The following BANP variants were observed in gnomAD, a reference collection of about 807,000 sequenced individuals.
BANP encodes protein BANP.
In BANP, 11 loss-of-function variants were observed where a neutral mutation model predicts 68.1. The observed-to-expected ratio is 0.16, with a 90% CI of 0.10 to 0.27. The LOEUF is 0.27. BANP is among the 10% of genes least tolerant of loss of function. BANP has a pLI of 1.00. For synonymous variants in BANP, 329 were observed against 303.2 expected, an observed-to-expected ratio of 1.09 and a Z score of -0.88; for missense variants, 504 against 722.7, an observed-to-expected ratio of 0.70 and a Z score of 3.47.
At chr16:88,007,683 C>T (rs777925416) in intron 6 of BANP, among the ~76,000 whole-genome samples, 1 of 152,178 alleles carries the variant, frequency 6.6e-6, no homozygotes, top group Non-Finnish European at 1.5e-5. Flanking sequence ...CCTAGCAACT[C>T]GATGTTGCTT....
Position 87,957,116 on chromosome 16 carries a change from A to C in BANP, c.-69+5601A>C, listed in dbSNP as rs566645527. 3 of 152,200 alleles carry C rather than the reference A, an allele frequency of 2.0e-5. No homozygotes were observed. Among genetic ancestry groups the C allele is most frequent in the African/African-American group, 7.2e-5 (3 of 41,434 alleles). The allele number at this position is 152,200 out of a possible 1,614,324, so 9.4% of individuals were successfully genotyped here. On this transcript the variant is annotated intron_variant, in intron 1 of 13. Coordinates refer to ENST00000682872, the MANE Select transcript of BANP (RefSeq NM_001386991.1). This position sits in a 1 kb window ranked among gnomAD's most constrained non-coding sequence, Gnocchi z 4.3. ...TCTACACTTCGTCAAGAACCGTCCA[A>C]TTTGATTAAACATTCTGGATCGTCA...
intron 1 of BANP, chr16:87,963,372 T>C (rs2059519474): frequency 6.6e-6 from 1 of 152,294 alleles, no homozygotes; most frequent in Non-Finnish European, 1.5e-5. Context: ...TCAGTTCATA[T>C]TTTTGCCATC....
intron 8 of BANP, among the ~76,000 whole-genome samples, chr16:88,027,943 G>C (rs1482635871): frequency 6.6e-6 from 1 of 152,258 alleles, no homozygotes; most frequent in Admixed American, 6.5e-5. Flanking sequence ...AGGCCTTTGC[G>C]TGGGGCTGCC....
rs1718006315 is a variant in BANP, at chr16:87,957,699, G to A, written c.-69+6184G>A. On this transcript the variant is annotated intron_variant, in intron 1 of 13. Coordinates refer to ENST00000682872, the MANE Select transcript of BANP (RefSeq NM_001386991.1). The surrounding 1 kb of genome is among the most constrained non-coding windows in gnomAD (Gnocchi z 4.3). ...AGTAGAAACGCGTTTGGATGGAGCC[G>A]GGAGGGAGAACTGGGTGCGCGCTTG... is the stretch of plus-strand genomic sequence containing the variant. Among the ~76,000 whole-genome samples, 1 of 152,384 alleles carries A rather than the reference G, an allele frequency of 6.6e-6. No individual in the cohort carries two copies. The highest frequency in any genetic ancestry group is 2.1e-4 in the South Asian group (1 of 4,826).
At chr16:88,039,054 C>T (rs1253963083) in intron 11 of BANP, among the ~76,000 whole-genome samples, 1 of 152,234 alleles carries the variant, frequency 6.6e-6, no homozygotes, top group Admixed American at 6.5e-5. Context: ...CAGAGCGGGA[C>T]AGAAGGGCAT....
intron 11 of BANP, among the ~76,000 whole-genome samples, chr16:88,043,015 A>T (rs536235781): frequency 2.6e-5 from 4 of 152,246 alleles, no homozygotes; most frequent in Non-Finnish European, 5.9e-5. Context: ...GTTGTGTATT[A>T]TCTTTCCTCC....
chr16:88,037,900 G>C (rs978634500), intron 10 of BANP, 73 bp from the exon 11 acceptor site: 112 of 1,461,760 alleles, frequency 7.7e-5, no homozygotes, highest in Non-Finnish European at 9.9e-5. Flanking sequence ...ATGTGTCTTG[G>C]CGTGTTTGCC....
intron 1 of BANP, among the ~76,000 whole-genome samples, chr16:87,971,120 C>G (rs2061037525): frequency 6.6e-6 from 1 of 152,020 alleles, no homozygotes; most frequent in Admixed American, 6.5e-5. Context: ...AACTCTACCA[C>G]TCCTTATAGC....
chr16:88,034,685 C>A (rs1023966328), intron 9 of BANP, among the ~76,000 whole-genome samples: 2 of 152,114 alleles, frequency 1.3e-5, no homozygotes, highest in Non-Finnish European at 2.9e-5. Flanking sequence ...TTCTATTTCC[C>A]CTCTTTTCTG....
chr16:88,019,769 G>C (rs986211052), intron 7 of BANP, among the ~76,000 whole-genome samples: 5 of 152,156 alleles, frequency 3.3e-5, no homozygotes, highest in African/African-American at 1.2e-4. Flanking sequence ...AAAGAGCCTT[G>C]CTCCTCTGGG....
chr16:88,075,271 G>A (rs1005314047), intron 13 of BANP, among the ~76,000 whole-genome samples: 36 of 152,288 alleles, frequency 2.4e-4, no homozygotes, highest in African/African-American at 6.0e-4. Flanking sequence ...GCTTGAACCC[G>A]GGAGGCGGAG....
intron 11 of BANP, among the ~76,000 whole-genome samples, chr16:88,063,283 C>G (rs796947589): frequency 4.6e-5 from 7 of 152,252 alleles, no homozygotes; most frequent in African/African-American, 1.7e-4. Context: ...CCTCCCCTCC[C>G]CTCCCCGGTG....
intron 4 of BANP, among the ~76,000 whole-genome samples, chr16:87,987,744 G>GTTA (rs958554127): frequency 2.9e-5 from 2 of 70,030 alleles, no homozygotes; most frequent in African/African-American, 7.9e-5. Context: ...AAAAAAGGAT[G>GTTA]TTATTATGTC....
chr16:87,980,063 C>G (rs1483408497), intron 2 of BANP, among the ~76,000 whole-genome samples: 1 of 152,180 alleles, frequency 6.6e-6, no homozygotes, highest in East Asian at 1.9e-4. Flanking sequence ...CACATGTATG[C>G]CGTTTGTTTA....
intron 11 of BANP, among the ~76,000 whole-genome samples, chr16:88,044,399 G>A (rs1376254476): frequency 6.6e-6 from 1 of 152,248 alleles, no homozygotes; most frequent in Non-Finnish European, 1.5e-5. Flanking sequence ...TCACGTGTGT[G>A]CACTTACAAG....
chr16:87,993,816 G>T (rs537833190), intron 4 of BANP, among the ~76,000 whole-genome samples: 1 of 152,232 alleles, frequency 6.6e-6, no homozygotes, highest in Admixed American at 6.5e-5. Context: ...GACCAGGCTG[G>T]TCTCGAACTC....
At chr16:88,027,676 C>T (rs774128663) in intron 8 of BANP, 26 bp downstream of exon 8, 32 of 1,610,984 alleles carry the variant, frequency 2.0e-5, no homozygotes, top group African/African-American at 2.7e-5. Context: ...CAGGAGAGGC[C>T]GCCCTCCCCC....
intron 1 of BANP, among the ~76,000 whole-genome samples, chr16:87,965,562 G>A (rs1228526504): frequency 1.5e-5 from 2 of 135,778 alleles, no homozygotes; most frequent in Non-Finnish European, 3.1e-5. Flanking sequence ...CACCCACTAA[G>A]CCCGAGGCGC....
chr16:88,033,798 C>G (rs1247607580), intron 9 of BANP, among the ~76,000 whole-genome samples: 1 of 152,318 alleles, frequency 6.6e-6, no homozygotes, highest in Admixed American at 6.5e-5. Flanking sequence ...GGTTTTGTGA[C>G]CCAAGCTGTG....
Sources: allele counts gnomAD v4.1 joint callset (sites outside exome capture counted in the v4.1 genomes callset), GRCh38; gene constraint gnomAD v4.1.1; non-coding constraint Gnocchi (gnomAD v3.1); transcripts MANE v1.5; gene names NCBI Gene and HGNC (gene_info 2026-07-23, HGNC 2026-07-21).